The following DRC11L variants were observed in gnomAD, a reference collection of about 807,000 sequenced individuals.
DRC11L encodes the protein dynein regulatory complex subunit like-11.
chr7:151,202,383 T>C, the DRC11L span, among the ~76,000 whole-genome samples: 7 of 152,228 alleles, frequency 4.6e-5, no homozygotes, highest in Non-Finnish European at 1.0e-4. Flanking sequence ...GGAGTGATCA[T>C]CTATTCTGTT....
At chr7:151,195,864 G>T in the DRC11L span, 218,689 of 376,702 alleles carry the variant, frequency 0.58, 65,781 homozygotes, top group Non-Finnish European at 0.63. Flanking sequence ...TCACACCCAG[G>T]CCTAATCCTC....
At chr7:151,203,497 T>C in the DRC11L span, 5 of 399,062 alleles carry the variant, frequency 1.3e-5, no homozygotes, top group Admixed American at 4.4e-5. Flanking sequence ...ATTTGGGGAT[T>C]GGAACCTCCA....
the DRC11L span, chr7:151,194,127 G>A: frequency 2.6e-6 from 1 of 387,590 alleles, no homozygotes; most frequent in Non-Finnish European, 4.6e-6. Flanking sequence ...GCCTGGGCAG[G>A]GCAGGAGGAC....
chr7:151,199,364 G>A, the DRC11L span, among the ~76,000 whole-genome samples: 4 of 151,042 alleles, frequency 2.6e-5, no homozygotes, highest in East Asian at 3.9e-4. This position sits in a 1 kb window ranked among gnomAD's most constrained non-coding sequence, Gnocchi z 5.2. Flanking sequence ...CCACTTTCCC[G>A]CCTCATTGGC....
At chr7:151,196,553 A>G in the DRC11L span, 3 of 399,588 alleles carry the variant, frequency 7.5e-6, no homozygotes, top group Non-Finnish European at 1.3e-5. Flanking sequence ...TCTTCCATGT[A>G]TCTGACCGCA....
chr7:151,191,931 G>T, the DRC11L span: 7 of 399,114 alleles, frequency 1.8e-5, no homozygotes, highest in East Asian at 2.5e-4. Flanking sequence ...CCAGGGAGGG[G>T]CAACAAGGCC....
the DRC11L span, chr7:151,190,967 CA>C: frequency 2.5e-6 from 1 of 400,172 alleles, no homozygotes; most frequent in Non-Finnish European, 4.4e-6. Flanking sequence ...CAGGTGCCCG[CA>C]AGCCTTAGCC....
chr7:151,202,925 C>G, the DRC11L span: 1 of 399,902 alleles, frequency 2.5e-6, no homozygotes, highest in Non-Finnish European at 4.4e-6. Flanking sequence ...TGTATGGTGA[C>G]AGCTGCTTGG....
the DRC11L span, chr7:151,196,460 C>A: frequency 2.5e-6 from 1 of 399,338 alleles, no homozygotes; most frequent in Non-Finnish European, 4.4e-6. Flanking sequence ...GTATCCGGAT[C>A]TCCAGCTCCA....
chr7:151,202,617 T>C, the DRC11L span, among the ~76,000 whole-genome samples: 1 of 152,130 alleles, frequency 6.6e-6, no homozygotes, highest in African/African-American at 2.4e-5. Flanking sequence ...TTTGGGAGGC[T>C]GAGGTGGGTA....
chr7:151,202,755 G>T, the DRC11L span, among the ~76,000 whole-genome samples: 2 of 152,232 alleles, frequency 1.3e-5, no homozygotes, highest in South Asian at 4.1e-4. Context: ...GGAGGCTGAA[G>T]CACGAGAATC....
chr7:151,195,134 AAAGGTTGGAGG>A, the DRC11L span, among the ~76,000 whole-genome samples: 1 of 152,202 alleles, frequency 6.6e-6, no homozygotes, highest in Non-Finnish European at 1.5e-5. Context: ...TGGTTAAGGC[AAAGGTTGGAGG>A]AAGGATCTGG....
the DRC11L span, chr7:151,197,153 C>G: frequency 5.0e-6 from 2 of 399,420 alleles, no homozygotes; most frequent in Non-Finnish European, 8.8e-6. Context: ...ACGAGTTCCC[C>G]CACACCTTCT....
At chr7:151,202,975 C>T in the DRC11L span, 4 of 399,794 alleles carry the variant, frequency 1.0e-5, no homozygotes, top group African/African-American at 4.1e-5. Flanking sequence ...CCGAATCCTC[C>T]CATCCTGCTC....
the DRC11L span, chr7:151,192,553 C>T: frequency 2.9e-4 from 114 of 398,402 alleles, no homozygotes; most frequent in Non-Finnish European, 4.1e-4. Flanking sequence ...TCAGCCTCAC[C>T]TCAGCCCTAG....
At chr7:151,200,509 C>T in the DRC11L span, 3 of 399,238 alleles carry the variant, frequency 7.5e-6, no homozygotes, top group South Asian at 1.3e-4. Flanking sequence ...AGTCTCCACC[C>T]TGCAGCAGCC....
At chr7:151,202,649 CA>C in the DRC11L span, among the ~76,000 whole-genome samples, 2,038 of 152,250 alleles carry the variant, frequency 0.013, 33 homozygotes, top group African/African-American at 0.04. Flanking sequence ...GTCAGGAGAT[CA>C]AGAGCAGCCT....
the DRC11L span, chr7:151,192,189 G>A: frequency 7.5e-6 from 3 of 398,496 alleles, no homozygotes; most frequent in East Asian, 7.1e-5. Context: ...GGCTGTGGGG[G>A]TGAGGGCTCG....
At chr7:151,195,973 G>T in the DRC11L span, 9 of 262,556 alleles carry the variant, frequency 3.4e-5, no homozygotes, top group Non-Finnish European at 5.7e-5. Flanking sequence ...AGGTCTTTGT[G>T]ACCTAAATGA....
Sources: allele counts gnomAD v4.1 joint callset (sites outside exome capture counted in the v4.1 genomes callset), GRCh38; gene constraint gnomAD v4.1.1; non-coding constraint Gnocchi (gnomAD v3.1); transcripts MANE v1.5; gene names NCBI Gene and HGNC (gene_info 2026-07-23, HGNC 2026-07-21).